RBFOX1: variants seen among roughly 807,000 people sequenced by gnomAD.
RBFOX1 encodes the protein RNA binding protein fox-1 homolog 1.
RBFOX1 carries 8 observed loss-of-function variants against 57.7 expected under a neutral mutation model. That is an observed-to-expected ratio of 0.14 (90% CI 0.08 to 0.25). RBFOX1 has a LOEUF of 0.25. Among genes scored for constraint, RBFOX1 ranks in the 10% least tolerant of loss-of-function variants. The pLI is 1.00. For missense variants in RBFOX1, 611 were observed against 548.5 expected (o/e 1.11, Z -1.14); for synonymous variants, 326 against 222.4 (o/e 1.47, Z -4.15).
chr16:7,080,090 T>C (rs2058961161), intron 4 of RBFOX1, among the ~76,000 whole-genome samples: 1 of 143,810 alleles, frequency 7.0e-6, no homozygotes. Flanking sequence ...TATGTATATA[T>C]GTATATATAT....
chr16:5,786,650 C>T (rs1218702161), intron 3 of RBFOX1, among the ~76,000 whole-genome samples: 1 of 152,196 alleles, frequency 6.6e-6, no homozygotes, highest in Non-Finnish European at 1.5e-5. Flanking sequence ...AGCATGCCCA[C>T]TGCCCTCATC....
chr16:5,364,886 T>G (rs2065666957), intron 1 of RBFOX1, among the ~76,000 whole-genome samples: 1 of 152,174 alleles, frequency 6.6e-6, no homozygotes, highest in Admixed American at 6.5e-5. Flanking sequence ...GAAACGCACC[T>G]GCTTGGGCTC....
Position 7,712,896 on chromosome 16 carries a change from T to C in RBFOX1, c.*2151T>C, listed in dbSNP as rs1178936764. The C allele has an allele frequency of 6.6e-6, 1 of 152,352 alleles. No individual in the cohort carries two copies. The highest frequency in any genetic ancestry group is 2.1e-4 in the South Asian group (1 of 4,832). 9.4% of individuals were successfully genotyped at this position (152,352 alleles called of 1,614,324 possible). A position where few individuals can be genotyped will look rare whatever the true frequency, so the allele number is the denominator to read the frequency against. On this transcript the variant is annotated 3_prime_UTR_variant, in exon 16 of 16. Transcript: ENST00000550418. ...AAACATAGAATTCTTACTGTGTTGG[T>C]TAAAGTAAAATTCATTTGCAGTTTT...
At chr16:6,898,280 A>G (rs1380806922) in intron 3 of RBFOX1, among the ~76,000 whole-genome samples, 4 of 152,044 alleles carry the variant, frequency 2.6e-5, no homozygotes, top group East Asian at 1.9e-4. Context: ...TCAAGCTGCC[A>G]TCTGACCCCT....
intron 3 of RBFOX1, among the ~76,000 whole-genome samples, chr16:5,710,243 A>G (rs1187203577): frequency 6.6e-6 from 1 of 152,146 alleles, no homozygotes; most frequent in African/African-American, 2.4e-5. Flanking sequence ...GAAGCAGCTA[A>G]TTGTGGATCA....
chr16:5,773,355 T>G (rs1403193037), intron 3 of RBFOX1, among the ~76,000 whole-genome samples: 2 of 152,222 alleles, frequency 1.3e-5, no homozygotes, highest in African/African-American at 4.8e-5. Context: ...ACTATGTCTG[T>G]GGCCATTCAA....
intron 2 of RBFOX1, among the ~76,000 whole-genome samples, chr16:6,410,303 C>CTT (rs34012786): frequency 0.017 from 1,456 of 86,694 alleles, 143 homozygotes; most frequent in African/African-American, 0.058. Context: ...ACCTAGGGTT[C>CTT]TTTTTTTTTT....
chr16:5,726,128 G>C (rs1406605302), intron 3 of RBFOX1, among the ~76,000 whole-genome samples: 1 of 151,030 alleles, frequency 6.6e-6, no homozygotes, highest in Admixed American at 6.6e-5. Flanking sequence ...GGGTTTCTCT[G>C]ATTTAAACTC....
chr16:6,615,735 G>C (rs1302984028), intron 2 of RBFOX1, among the ~76,000 whole-genome samples: 1 of 152,070 alleles, frequency 6.6e-6, no homozygotes, highest in Non-Finnish European at 1.5e-5. Flanking sequence ...TCCTTTGAAA[G>C]TCTCTCTATA....
intron 4 of RBFOX1, among the ~76,000 whole-genome samples, chr16:7,427,141 G>A (rs74468766): frequency 6.6e-6 from 1 of 152,192 alleles, no homozygotes; most frequent in South Asian, 2.1e-4. Flanking sequence ...GAGAGGGATA[G>A]CATTAGGAGA....
chr16:6,646,564 G>C (rs1216351846), intron 2 of RBFOX1, among the ~76,000 whole-genome samples: 1 of 151,996 alleles, frequency 6.6e-6, no homozygotes, highest in Admixed American at 6.6e-5. Flanking sequence ...ACTTCTGTGT[G>C]GGTAAATCAT....
intron 4 of RBFOX1, among the ~76,000 whole-genome samples, chr16:7,203,695 T>G (rs890003570): frequency 6.6e-6 from 1 of 152,142 alleles, no homozygotes; most frequent in Non-Finnish European, 1.5e-5. Context: ...ACATTTTGGT[T>G]AATACATGGT....
chr16:5,705,906 C>G (rs1596857101), intron 3 of RBFOX1, among the ~76,000 whole-genome samples: 1 of 151,868 alleles, frequency 6.6e-6, no homozygotes, highest in African/African-American at 2.4e-5. Context: ...GATCGTGTTG[C>G]TTTTTTTTCT....
At chr16:6,414,810 T>C (rs1205802084) in intron 2 of RBFOX1, among the ~76,000 whole-genome samples, 1 of 152,130 alleles carries the variant, frequency 6.6e-6, no homozygotes, top group African/African-American at 2.4e-5. Context: ...CTTGAGACAA[T>C]TTTCATTGGC....
chr16:7,384,540 G>T (rs1260573867), intron 4 of RBFOX1, among the ~76,000 whole-genome samples: 1 of 152,162 alleles, frequency 6.6e-6, no homozygotes, highest in Non-Finnish European at 1.5e-5. Flanking sequence ...AGAATCTTGG[G>T]CAGTATCATT....
chr16:6,121,993 C>T (rs2096553523), intron 1 of RBFOX1, among the ~76,000 whole-genome samples: 1 of 152,148 alleles, frequency 6.6e-6, no homozygotes. Flanking sequence ...GCAACCCCTG[C>T]CTCCGGGGTT....
intron 3 of RBFOX1, among the ~76,000 whole-genome samples, chr16:5,643,943 T>C (rs994979331): frequency 6.6e-6 from 1 of 152,256 alleles, no homozygotes. Flanking sequence ...CAAATGGGCC[T>C]ATTTAATTTC....
chr16:5,790,721 A>G (rs575477108), intron 3 of RBFOX1, among the ~76,000 whole-genome samples: 7 of 152,204 alleles, frequency 4.6e-5, no homozygotes, highest in African/African-American at 1.7e-4. Context: ...GATGAGAGTG[A>G]GTGTGGAATG....
intron 3 of RBFOX1, among the ~76,000 whole-genome samples, chr16:6,927,373 G>C (rs888172175): frequency 8.5e-6 from 1 of 117,694 alleles, no homozygotes; most frequent in Non-Finnish European, 1.6e-5. Flanking sequence ...AGATCGCACC[G>C]CTCCACTCCA....
Sources: gnomAD v4.1 joint callset for allele counts (sites outside exome capture counted in the v4.1 genomes callset) on GRCh38, gnomAD v4.1.1 for gene constraint, MANE v1.5 for transcripts, NCBI Gene and HGNC (gene_info 2026-07-23, HGNC 2026-07-21) for gene names.